Variants in GUCY2F observed in about 807,000 individuals in gnomAD.
GUCY2F encodes guanylate cyclase 2F, retinal.
Under a neutral mutation model 73.1 loss-of-function variants are expected in GUCY2F, and 61 were observed. That is an observed-to-expected ratio of 0.83 (90% CI 0.68 to 1.03). The LOEUF (loss-of-function observed/expected upper bound fraction) is 1.03. Ranked by LOEUF, GUCY2F falls within the 50% of genes least tolerant of loss-of-function variation. The pLI, the probability that GUCY2F is intolerant of heterozygous loss-of-function variation, is 0.00. For synonymous variants in GUCY2F, 331 were observed against 307.8 expected, an observed-to-expected ratio of 1.08 and a Z score of -0.79; for missense variants, 912 against 854.3, an observed-to-expected ratio of 1.07 and a Z score of -0.84.
intron 3 of GUCY2F, among the ~76,000 whole-genome samples, chrX:109,462,268 G>A (rs1214819712): frequency 4.4e-5 from 5 of 113,135 alleles, no homozygotes; most frequent in African/African-American, 1.3e-4. Context: ...GTAACTTGCC[G>A]AAGGGCACAC....
chrX:109,373,145 A>G (rs1930095085), intron 19 of GUCY2F, 146 bp from the exon 20 acceptor site: 1 of 113,046 alleles, frequency 8.8e-6, no homozygotes, highest in Non-Finnish European at 1.9e-5. Context: ...GGATTGTTAA[A>G]CAAATAAACA....
intron 14 of GUCY2F, among the ~76,000 whole-genome samples, chrX:109,391,138 C>G (rs906173257): frequency 2.7e-5 from 3 of 111,941 alleles, no homozygotes; most frequent in African/African-American, 9.8e-5. Flanking sequence ...TGTCCCTGCA[C>G]AGCTATGAGA....
Position 109,447,630 on chromosome X carries a change from TG to T in GUCY2F, c.1569+438del, listed in dbSNP as rs1363203439. On this transcript the variant is annotated intron_variant, in intron 6 of 19. Coordinates refer to ENST00000218006, the MANE Select transcript of GUCY2F (RefSeq NM_001522.3). Reference sequence around the variant, plus strand: ...CCACACACCGGGGCCTGTCGTGGGGTGGGGGGAGGGGGGAGGGATAGCATTA... The same window carrying T: ...CCACACACCGGGGCCTGTCGTGGGGTGGGGGAGGGGGGAGGGATAGCATTA... Among the ~76,000 whole-genome samples, 4 of 24,977 alleles carry T rather than the reference TG, an allele frequency of 1.6e-4. No homozygotes were observed. In the East Asian group the frequency reaches 5.3e-3, roughly 33 times the overall value. The allele number at this position is 24,977 out of a possible 115,157, so 21.7% of individuals were successfully genotyped here.
intron 2 of GUCY2F, among the ~76,000 whole-genome samples, chrX:109,468,131 C>A (rs1249191354): frequency 8.9e-6 from 1 of 111,892 alleles, no homozygotes; most frequent in African/African-American, 3.3e-5. Context: ...TGAAAATACT[C>A]ATTCAGTAAG....
At chrX:109,470,893 C>T (rs1378147632) in intron 2 of GUCY2F, among the ~76,000 whole-genome samples, 2 of 111,619 alleles carry the variant, frequency 1.8e-5, no homozygotes, top group Non-Finnish European at 3.8e-5. Context: ...CTTTTAGCTT[C>T]GGAAGTCTTA....
At chrX:109,429,521 C>T (rs1931565874) in intron 8 of GUCY2F, among the ~76,000 whole-genome samples, 1 of 112,072 alleles carries the variant, frequency 8.9e-6, no homozygotes, top group African/African-American at 3.2e-5. Context: ...TCTTCCATTT[C>T]CTTTGTTTTC....
chrX:109,458,227 T>C (rs1932296935), intron 3 of GUCY2F, among the ~76,000 whole-genome samples: 1 of 112,205 alleles, frequency 8.9e-6, no homozygotes, highest in Non-Finnish European at 1.9e-5. Flanking sequence ...TTAGATATTA[T>C]TAGCACAGTG....
chrX:109,399,097 G>C (rs1930778471), intron 10 of GUCY2F, among the ~76,000 whole-genome samples: 1 of 112,447 alleles, frequency 8.9e-6, no homozygotes, highest in African/African-American at 3.2e-5. Context: ...CTGGTAATTT[G>C]ATTGTGCTGG....
At chrX:109,481,092 AAGGAAGGAAGGAAGGG>A (rs1305214033) in intron 1 of GUCY2F, among the ~76,000 whole-genome samples, 843 of 71,762 alleles carry the variant, frequency 0.012, 39 homozygotes, top group African/African-American at 0.035. Context: ...GGAAGGAAGG[AAGGAAGGAAGGAAGGG>A]AGGGAGGGAG....
intron 17 of GUCY2F, 21 bp downstream of exon 17, chrX:109,382,097 A>G (rs756858349): frequency 9.9e-7 from 1 of 1,013,860 alleles, no homozygotes; most frequent in South Asian, 1.9e-5. Flanking sequence ...GTCTGGCTCA[A>G]AAAACAAAAA....
At chrX:109,424,971 T>C (rs1931450961) in intron 8 of GUCY2F, among the ~76,000 whole-genome samples, 1 of 111,000 alleles carries the variant, frequency 9.0e-6, no homozygotes, top group Admixed American at 9.6e-5. Flanking sequence ...TTCACCACGT[T>C]GGCCAGGCTG....
At chrX:109,434,987 T>C (rs1477619486) in intron 7 of GUCY2F, among the ~76,000 whole-genome samples, 1 of 109,815 alleles carries the variant, frequency 9.1e-6, no homozygotes. Flanking sequence ...TTGATCTATA[T>C]GTCTGTTTTG....
intron 8 of GUCY2F, among the ~76,000 whole-genome samples, chrX:109,411,803 G>A (rs1307616745): frequency 9.0e-6 from 1 of 111,650 alleles, no homozygotes; most frequent in Non-Finnish European, 1.9e-5. Context: ...AAAATCAGTG[G>A]GAACAAATGA....
intron 17 of GUCY2F, among the ~76,000 whole-genome samples, chrX:109,381,166 C>A (rs1388389785): frequency 8.9e-6 from 1 of 112,403 alleles, no homozygotes; most frequent in East Asian, 2.8e-4. Context: ...TGAAATCTAG[C>A]TACATGTAAC....
At chrX:109,386,878 C>T (rs1930448905) in intron 15 of GUCY2F, among the ~76,000 whole-genome samples, 1 of 111,578 alleles carries the variant, frequency 9.0e-6, no homozygotes, top group Admixed American at 9.5e-5. Flanking sequence ...GTGAACCCTA[C>T]AAGAAGAGGT....
intron 2 of GUCY2F, among the ~76,000 whole-genome samples, chrX:109,469,123 C>T (rs959420048): frequency 1.8e-5 from 2 of 110,749 alleles, no homozygotes; most frequent in Non-Finnish European, 3.8e-5. Flanking sequence ...CTTCTGAGAT[C>T]GCATCTCACC....
Position 109,476,002 on chromosome X carries a change from A to T in GUCY2F, c.-66T>A. The T allele has an allele frequency of 9.9e-7, 1 of 1,011,039 alleles. No homozygotes were observed. Among genetic ancestry groups the T allele is most frequent in the East Asian group, 3.1e-5 (1 of 31,921 alleles). 83.3% of individuals were successfully genotyped at this position (1,011,039 alleles called of 1,213,427 possible). A position where few individuals can be genotyped will look rare whatever the true frequency, so the allele number is the denominator to read the frequency against. On this transcript the variant is annotated 5_prime_UTR_variant, in exon 2 of 20. Transcript: ENST00000218006. ...GAGTTATTCTGCTTTCCCGACACAG[A>T]CGGTGGTGTTTCCAAATGCCTGTCA... is the stretch of plus-strand genomic sequence containing the variant.
intron 8 of GUCY2F, 64 bp from the exon 9 acceptor site, chrX:109,409,232 GGGC>G: frequency 1.7e-6 from 1 of 581,427 alleles, no homozygotes; most frequent in Non-Finnish European, 2.9e-6. Context: ...CCACAGTTGA[GGGC>G]ACATAACCTT....
chrX:109,444,582 T>C (rs1931954676), intron 6 of GUCY2F, among the ~76,000 whole-genome samples: 1 of 112,055 alleles, frequency 8.9e-6, no homozygotes, highest in Non-Finnish European at 1.9e-5. Flanking sequence ...GCTTTGACAG[T>C]ACTCTTCCCT....
Sources: gnomAD v4.1 joint callset for allele counts (sites outside exome capture counted in the v4.1 genomes callset) on GRCh38, gnomAD v4.1.1 for gene constraint, MANE v1.5 for transcripts, NCBI Gene and HGNC (gene_info 2026-07-23, HGNC 2026-07-21) for gene names.